Variants in GLIS3 observed in about 807,000 individuals in gnomAD.
The protein encoded by GLIS3 is GLIS family zinc finger 3.
A neutral mutation model predicts 78.6 loss-of-function variants in GLIS3; 53 were observed. That is an observed-to-expected ratio of 0.67 (90% confidence interval 0.54 to 0.85). GLIS3 has a LOEUF of 0.85. Ranked by LOEUF, GLIS3 falls within the 40% of genes least tolerant of loss-of-function variation. The pLI, the probability that GLIS3 is intolerant of heterozygous loss-of-function variation, is 0.00. For synonymous variants in GLIS3, 684 were observed against 509.9 expected (o/e 1.34, Z -4.60); for missense variants, 1,703 against 1,231.1 (o/e 1.38, Z -5.74).
intron 2 of GLIS3, among the ~76,000 whole-genome samples, chr9:4,261,627 G>A (rs1178434720): frequency 6.6e-6 from 1 of 152,158 alleles, no homozygotes; most frequent in Non-Finnish European, 1.5e-5. Flanking sequence ...GCAAAGAAAG[G>A]CAGCCCTTAG....
At chr9:3,833,033 G>C (rs1205361721) in intron 9 of GLIS3, among the ~76,000 whole-genome samples, 5 of 152,126 alleles carry the variant, frequency 3.3e-5, no homozygotes, top group African/African-American at 1.2e-4. Context: ...GAGTATAAAA[G>C]GTTTGTGATG....
intron 8 of GLIS3, among the ~76,000 whole-genome samples, chr9:3,873,985 A>G (rs1821139342): frequency 6.6e-6 from 1 of 152,212 alleles, no homozygotes; most frequent in Non-Finnish European, 1.5e-5. Context: ...GATATTATGA[A>G]ATATATATTT....
chr9:4,306,435 G>C (rs915256510), intron 4 of GLIS3, among the ~76,000 whole-genome samples: 10 of 152,178 alleles, frequency 6.6e-5, no homozygotes, highest in African/African-American at 2.4e-4. Flanking sequence ...CCCTGTGAGG[G>C]TCAGATAGAG....
At position 4,322,781 on chromosome 9, in the gene GLIS3, G is replaced by T. The variant is rs1436566320; in HGVS notation, n.265-12253C>A. On this transcript the variant is annotated intron_variant and non_coding_transcript_variant, in intron 2 of 4. Transcript: ENST00000471664. ...TTGTTTGATTTTTTCTTGTAAATTTGTTTAAGTTCTTTGTAGATTTTGAAT... is the reference window on the plus strand; with the variant it reads ...TTGTTTGATTTTTTCTTGTAAATTTTTTTAAGTTCTTTGTAGATTTTGAAT... Among the ~76,000 whole-genome samples, 25 of 152,134 alleles carry T rather than the reference G, an allele frequency of 1.6e-4. 1 individual carries two copies. The highest frequency in any genetic ancestry group is 1.6e-3 in the Admixed American group (25 of 15,274).
chr9:3,963,528 G>C (rs572998927), intron 4 of GLIS3, among the ~76,000 whole-genome samples: 1 of 152,258 alleles, frequency 6.6e-6, no homozygotes, highest in African/African-American at 2.4e-5. Context: ...TCTCCCAACT[G>C]TTAGTGACTC....
chr9:4,297,000 C>T (rs996292680), intron 1 of GLIS3, among the ~76,000 whole-genome samples: 1 of 150,442 alleles, frequency 6.6e-6, no homozygotes, highest in African/African-American at 2.4e-5. Flanking sequence ...GTGGCGGATT[C>T]TTTTTCTGCA....
chr9:4,282,913 G>C (rs1827680827), intron 2 of GLIS3, among the ~76,000 whole-genome samples: 1 of 152,068 alleles, frequency 6.6e-6, no homozygotes, highest in Admixed American at 6.5e-5. Flanking sequence ...GGCTTCTGCT[G>C]ATTCTTCTCC....
chr9:4,031,019 G>C (rs1823791765), intron 4 of GLIS3, among the ~76,000 whole-genome samples: 1 of 152,208 alleles, frequency 6.6e-6, no homozygotes, highest in South Asian at 2.1e-4. Flanking sequence ...AGGAAGTGGA[G>C]AAATTTGAAC....
At chr9:4,069,428 T>C (rs1044508926) in intron 4 of GLIS3, among the ~76,000 whole-genome samples, 1 of 152,194 alleles carries the variant, frequency 6.6e-6, no homozygotes, top group Non-Finnish European at 1.5e-5. Context: ...GATACCTATA[T>C]ATAAAATCAT....
chr9:4,442,298 C>T, the GLIS3 span, among the ~76,000 whole-genome samples: 1 of 152,086 alleles, frequency 6.6e-6, no homozygotes, highest in Non-Finnish European at 1.5e-5. Context: ...GTTGTCATGT[C>T]TCCTTTTTCA....
chr9:3,887,003 G>A (rs1472041330), intron 7 of GLIS3, among the ~76,000 whole-genome samples: 1 of 152,122 alleles, frequency 6.6e-6, no homozygotes, highest in Admixed American at 6.6e-5. Context: ...CATCCTACCT[G>A]TATTAGGAAA....
intron 2 of GLIS3, among the ~76,000 whole-genome samples, chr9:4,343,403 G>C (rs560920959): frequency 6.6e-6 from 1 of 152,044 alleles, no homozygotes; most frequent in South Asian, 2.1e-4. Context: ...TATTATAAAA[G>C]GTAAAAAAAT....
At chr9:4,188,685 G>A (rs943534802) in intron 2 of GLIS3, among the ~76,000 whole-genome samples, 2 of 152,138 alleles carry the variant, frequency 1.3e-5, no homozygotes, top group Non-Finnish European at 2.9e-5. Flanking sequence ...CCTGTTATTG[G>A]TCTATTCAGA....
the GLIS3 span, among the ~76,000 whole-genome samples, chr9:4,455,266 C>A: frequency 2.0e-5 from 3 of 152,182 alleles, no homozygotes; most frequent in Non-Finnish European, 4.4e-5. Flanking sequence ...TGCCTTCCAT[C>A]TTACGGTCTT....
chr9:4,328,549 G>C (rs1817636480), intron 2 of GLIS3, among the ~76,000 whole-genome samples: 1 of 152,210 alleles, frequency 6.6e-6, no homozygotes, highest in Non-Finnish European at 1.5e-5. Context: ...GGGAAATCTA[G>C]AGGGGCCAAG....
At chr9:3,912,724 C>T (rs1253429145) in intron 6 of GLIS3, among the ~76,000 whole-genome samples, 1 of 152,130 alleles carries the variant, frequency 6.6e-6, no homozygotes, top group Non-Finnish European at 1.5e-5. Context: ...AAGCTTCATT[C>T]AGAGGTACGT....
rs201802167 is a variant in GLIS3 at position 4,288,751 on chromosome 9, A to C, written c.-98-2228T>G. Among the ~76,000 whole-genome samples the C allele has an allele frequency of 4.7e-3, 722 of 152,144 alleles. 10 individuals carry two copies. Among genetic ancestry groups the C allele is most frequent in the African/African-American group, 0.017 (686 of 41,480 alleles). ...TTTTAGGTTGAAAGTAAAAACAACA[A>C]AAAGTATACTTAAATTTTATTACTA... On this transcript the variant is annotated intron_variant, in intron 1 of 10. Transcript: ENST00000381971.
At chr9:4,421,982 G>A in the GLIS3 span, among the ~76,000 whole-genome samples, 6 of 152,106 alleles carry the variant, frequency 3.9e-5, no homozygotes, top group Non-Finnish European at 1.5e-5. Context: ...GTGAATGCAG[G>A]CAACAAACCA....
At chr9:4,050,100 A>G (rs1825606545) in intron 4 of GLIS3, among the ~76,000 whole-genome samples, 1 of 152,194 alleles carries the variant, frequency 6.6e-6, no homozygotes, top group East Asian at 1.9e-4. Context: ...ATTACTGGGT[A>G]TATAACCAAA....
Sources: gnomAD v4.1 joint callset for allele counts (sites outside exome capture counted in the v4.1 genomes callset) on GRCh38, gnomAD v4.1.1 for gene constraint, MANE v1.5 for transcripts, NCBI Gene and HGNC (gene_info 2026-07-23, HGNC 2026-07-21) for gene names.